Variants in DCAF8 observed in about 807,000 individuals in gnomAD.
DCAF8 encodes the protein DDB1 and CUL4 associated factor 8, also known as DDB1- and CUL4-associated factor 8.
In DCAF8, 20 loss-of-function variants were observed where a neutral mutation model predicts 68.0. That is an observed-to-expected ratio of 0.29 (90% CI 0.21 to 0.43). The LOEUF is 0.43. Ranked by LOEUF, DCAF8 falls within the 20% of genes least tolerant of loss-of-function variation. The probability of loss-of-function intolerance (pLI) is 1.00; values close to 1 mark genes in which losing one functional copy is unlikely to be tolerated. For synonymous variants in DCAF8, 230 were observed against 276.9 expected, an observed-to-expected ratio of 0.83 and a Z score of 1.68; for missense variants, 460 against 771.0, an observed-to-expected ratio of 0.60 and a Z score of 4.78.
Position 160,215,803 on chromosome 1 carries a change from C to T in DCAF8, c.*1789G>A, listed in dbSNP as rs1295284701. The T allele has an allele frequency of 6.6e-6, 1 of 152,190 alleles. No homozygotes were observed. Among genetic ancestry groups the T allele is most frequent in the Non-Finnish European group, 1.5e-5 (1 of 68,052 alleles). The allele number at this position is 152,190 out of a possible 1,614,324, so 9.4% of individuals were successfully genotyped here. On this transcript the variant is annotated 3_prime_UTR_variant, in exon 14 of 14. Transcript: ENST00000368074. ...TTAGCCCACCCTATCACCCCACCAGCAATAGGAACACAGACCACTCGATCA... is the reference window on the plus strand; with the variant it reads ...TTAGCCCACCCTATCACCCCACCAGTAATAGGAACACAGACCACTCGATCA...
At chr1:160,222,410 T>C (rs1373572159) in intron 11 of DCAF8, among the ~76,000 whole-genome samples, 7 of 152,198 alleles carry the variant, frequency 4.6e-5, no homozygotes, top group African/African-American at 1.7e-4. Flanking sequence ...GGACAGAGGT[T>C]CTTCCCTAAG....
At chr1:160,246,223 C>A (rs1656334016) in intron 2 of DCAF8, among the ~76,000 whole-genome samples, 1 of 152,086 alleles carries the variant, frequency 6.6e-6, no homozygotes, top group African/African-American at 2.4e-5. Context: ...GATGTTTTCC[C>A]ACCTCCATAA....
chr1:160,262,381 G>A (rs988552106), intron 1 of DCAF8, 68 bp downstream of exon 1: 2 of 399,482 alleles, frequency 5.0e-6, no homozygotes, highest in African/African-American at 2.1e-5. Context: ...TTCTGCTAGC[G>A]GCTGCTCCGA....
chr1:160,228,484 C>G (rs1371549545), intron 7 of DCAF8, among the ~76,000 whole-genome samples: 2 of 152,116 alleles, frequency 1.3e-5, no homozygotes, highest in African/African-American at 2.4e-5. Flanking sequence ...AAATTTACCA[C>G]TAAAGGATTC....
At chr1:160,225,160 C>T in intron 8 of DCAF8, 41 bp from the exon 9 acceptor site, 1 of 1,591,812 alleles carries the variant, frequency 6.3e-7, no homozygotes, top group Non-Finnish European at 8.6e-7. Flanking sequence ...CCCACCCCCC[C>T]ATTTGTTATA....
At chr1:160,223,077 T>G (rs1475225106) in intron 10 of DCAF8, among the ~76,000 whole-genome samples, 1 of 152,210 alleles carries the variant, frequency 6.6e-6, no homozygotes, top group Non-Finnish European at 1.5e-5. Context: ...CCCTGAATCA[T>G]CCCAGCTCTG....
At chr1:160,217,826 G>A in intron 13 of DCAF8, 118 bp from the exon 14 acceptor site, 1 of 730,726 alleles carries the variant, frequency 1.4e-6, no homozygotes, top group Non-Finnish European at 2.4e-6. Context: ...TTCTTAAAGG[G>A]CCAGAGAGTA....
rs558610537 is a variant in DCAF8 at position 160,217,362 on chromosome 1, G to T, written c.*230C>A. 1.2e-5 allele frequency: 5 copies of T among 405,070 alleles called. No homozygotes were observed. The highest frequency in any genetic ancestry group is 2.2e-5 in the Non-Finnish European group (5 of 229,282). 25.1% of individuals were successfully genotyped at this position (405,070 alleles called of 1,614,324 possible). ...GCTTTGGGGAGAGGCCATTTCTGCC[G>T]AGTCCTATGCACCTCTCCATAGAGC... On this transcript the variant is annotated 3_prime_UTR_variant, in exon 14 of 14. Transcript: ENST00000368074.
chr1:160,246,585 A>G (rs1656349364), intron 2 of DCAF8, among the ~76,000 whole-genome samples: 1 of 152,134 alleles, frequency 6.6e-6, no homozygotes, highest in Non-Finnish European at 1.5e-5. Context: ...TGAGCTCAGG[A>G]ATTCAAGACC....
rs1655340074 is a variant in DCAF8 at position 160,222,763 on chromosome 1, T to C, written c.1328A>G (p.Tyr443Cys). ...NNATVKGVNF[Y>C]GPKSEFVVSG... is the part of the protein sequence containing the mutation. ...CACCACAAACTCACTCTTGGGGCCA[T>C]AGAAATTGACGCCTTTTACTGAAAT... is the stretch of plus-strand genomic sequence containing the variant. The change falls in exon 11 of 14, where the codon TAT (tyrosine) becomes TGT (cysteine). Residue 443 changes from tyrosine (Y) to cysteine (C), a missense_variant. Physicochemically the swap from Tyr to Cys is radical, Grantham distance 194. Coordinates refer to ENST00000368074, the MANE Select transcript of DCAF8 (RefSeq NM_015726.4). 2 of 1,614,154 alleles carry C rather than the reference T, an allele frequency of 1.2e-6. No homozygotes were observed. The highest frequency in any genetic ancestry group is 1.7e-6 in the Non-Finnish European group (2 of 1,180,022).
intron 2 of DCAF8, among the ~76,000 whole-genome samples, chr1:160,257,536 C>T (rs1055002141): frequency 3.9e-5 from 6 of 152,196 alleles, no homozygotes; most frequent in Non-Finnish European, 8.8e-5. Flanking sequence ...AACTCAAGAT[C>T]CCAGTCTTTC....
At chr1:160,253,960 T>C (rs1270777267) in intron 2 of DCAF8, among the ~76,000 whole-genome samples, 1 of 152,204 alleles carries the variant, frequency 6.6e-6, no homozygotes, top group Non-Finnish European at 1.5e-5. Flanking sequence ...AGAGATTGAA[T>C]GGAATGCTGA....
At chr1:160,238,188 T>C (rs1655960095) in intron 5 of DCAF8, among the ~76,000 whole-genome samples, 1 of 152,210 alleles carries the variant, frequency 6.6e-6, no homozygotes, top group Non-Finnish European at 1.5e-5. Flanking sequence ...CAGCTTTAAA[T>C]AGGGCTTCCA....
rs1423682008 is a variant in DCAF8 at position 160,239,697 on chromosome 1, C to G, written c.723G>C (p.Gln241His). ...TTGCTATTATGCTCCCTTGCCTCAC[C>G]TGGAACACATTACTTTTGTGGCCAC... ...FESGHKSNVFQAKFLPNSGDS... is the reference protein window; with the variant it reads ...FESGHKSNVFHAKFLPNSGDS... Residue 241 changes from glutamine to histidine, a missense_variant and splice_region_variant, in exon 4 of 14, where the codon CAG becomes CAC. Gln to His is a conservative substitution (Grantham distance 24). This residue lies in a region of DCAF8 where 170 missense variants were observed against 318.2 expected (regional missense o/e 0.53). Transcript: ENST00000368074. The G allele has an allele frequency of 6.2e-7, 1 of 1,614,256 alleles. No individual in the cohort carries two copies. The highest frequency in any genetic ancestry group is 2.2e-5 in the East Asian group (1 of 44,888).
At chr1:160,262,302 C>G (rs1321049786) in intron 1 of DCAF8, 147 bp downstream of exon 1, 3 of 399,070 alleles carry the variant, frequency 7.5e-6, no homozygotes, top group Non-Finnish European at 1.3e-5. Context: ...GGGGGGGTGT[C>G]CGGCTGGGGC....
intron 7 of DCAF8, among the ~76,000 whole-genome samples, chr1:160,227,318 T>G (rs1281371086): frequency 2.0e-5 from 3 of 152,154 alleles, no homozygotes; most frequent in Non-Finnish European, 4.4e-5. Context: ...TTTGTTTGCT[T>G]TGGCAGTTAG....
chr1:160,222,969 G>C (rs2101717817), intron 10 of DCAF8, among the ~76,000 whole-genome samples, 188 bp from the exon 11 acceptor site: 1 of 152,322 alleles, frequency 6.6e-6, no homozygotes, highest in South Asian at 2.1e-4. Flanking sequence ...TCGCTCCTTA[G>C]GGCAGAGGAA....
intron 8 of DCAF8, 111 bp from the exon 9 acceptor site, chr1:160,225,230 G>C: frequency 2.9e-6 from 3 of 1,029,846 alleles, no homozygotes; most frequent in Non-Finnish European, 4.3e-6. Context: ...AGAGATTTGA[G>C]AAAGACAGAC....
chr1:160,227,816 C>T (rs1363045593), intron 7 of DCAF8, among the ~76,000 whole-genome samples: 2 of 152,156 alleles, frequency 1.3e-5, no homozygotes, highest in African/African-American at 2.4e-5. Flanking sequence ...CTGTGATAGA[C>T]AGTAAGCATA....
Sources: gnomAD v4.1 joint callset for allele counts (sites outside exome capture counted in the v4.1 genomes callset) on GRCh38, gnomAD v4.1.1 for gene constraint, gnomAD v4.1.1 regional missense constraint, MANE v1.5 for transcripts, NCBI Gene and HGNC (gene_info 2026-07-23, HGNC 2026-07-21) for gene names.